The following SENP5 variants were observed in gnomAD, a reference collection of about 807,000 sequenced individuals.
The protein encoded by SENP5 is SUMO specific peptidase 5, also known as sentrin-specific protease 5.
Under a neutral mutation model 74.2 loss-of-function variants are expected in SENP5, and 21 were observed. The ratio of observed to expected loss-of-function variants is 0.28; its 90% confidence interval spans 0.20 to 0.41. SENP5 has a LOEUF of 0.41. SENP5 is among the 10% of genes least tolerant of loss of function. The pLI is 1.00. For synonymous variants in SENP5, 311 were observed against 312.7 expected (o/e 0.99, Z 0.06); for missense variants, 717 against 889.1 (o/e 0.81, Z 2.46).
intron 7 of SENP5, among the ~76,000 whole-genome samples, chr3:196,926,690 G>A (rs989740936): frequency 1.4e-5 from 2 of 146,488 alleles, no homozygotes; most frequent in African/African-American, 5.1e-5. Flanking sequence ...CTGGGTTGGA[G>A]TGCAGTGGCC....
intron 1 of SENP5, among the ~76,000 whole-genome samples, chr3:196,883,432 C>T (rs1006975412): frequency 1.3e-5 from 2 of 152,132 alleles, no homozygotes; most frequent in African/African-American, 2.4e-5. Context: ...GGGGAATTCA[C>T]GGTGTAAACT....
At chr3:196,914,464 A>C (rs575233499) in intron 6 of SENP5, 15 of 150,684 alleles carry the variant, frequency 1.0e-4, no homozygotes, top group Middle Eastern at 6.9e-3. Context: ...GTACAAGTAT[A>C]TGCAAAAAAA....
intron 6 of SENP5, among the ~76,000 whole-genome samples, chr3:196,906,568 A>T (rs1300732102): frequency 4.6e-5 from 7 of 152,236 alleles, no homozygotes; most frequent in South Asian, 2.1e-4. Context: ...AGTAATATTT[A>T]AGCAGAAATA....
At chr3:196,926,542 T>C (rs1490782331) in intron 7 of SENP5, among the ~76,000 whole-genome samples, 1 of 152,080 alleles carries the variant, frequency 6.6e-6, no homozygotes, top group African/African-American at 2.4e-5. Flanking sequence ...AGTTACTTCT[T>C]TAGAGGGAGC....
At chr3:196,900,137 G>T in intron 4 of SENP5, 75 bp downstream of exon 4, 3 of 1,534,974 alleles carry the variant, frequency 2.0e-6, no homozygotes, top group Non-Finnish European at 2.6e-6. Flanking sequence ...CTCTAGTTTG[G>T]CTTCTCAGTT....
chr3:196,871,128 C>G (rs1458518049), intron 1 of SENP5, among the ~76,000 whole-genome samples: 1 of 151,772 alleles, frequency 6.6e-6, no homozygotes, highest in East Asian at 1.9e-4. Context: ...CGAGGTTGCA[C>G]CATTGCATTC....
chr3:196,888,583 C>CAA (rs112395641), intron 2 of SENP5, among the ~76,000 whole-genome samples: 35 of 140,594 alleles, frequency 2.5e-4, no homozygotes, highest in East Asian at 1.3e-3. Flanking sequence ...GACTCTCTCA[C>CAA]AAAAAAAAAA....
Position 196,926,982 on chromosome 3 carries a change from C to T in SENP5, c.2023-814C>T, listed in dbSNP as rs180796754. On this transcript the variant is annotated intron_variant, in intron 7 of 9. Transcript: ENST00000323460. ...GTTGGGGGGTGGGGTGGGTTATTCA[C>T]ATAACCTCTGACTTCACTCTTGATG... is the stretch of plus-strand genomic sequence containing the variant. 2.4e-3 allele frequency among the ~76,000 whole-genome samples: 367 copies of T among 152,244 alleles called. 1 individual carries two copies. Among genetic ancestry groups the T allele is most frequent in the African/African-American group, 8.7e-3 (362 of 41,524 alleles).
chr3:196,903,893 T>A (rs1714799121), intron 6 of SENP5, among the ~76,000 whole-genome samples: 1 of 152,324 alleles, frequency 6.6e-6, no homozygotes, highest in African/African-American at 2.4e-5. Flanking sequence ...CTTTCAACAA[T>A]TTTTTGCTGG....
In SENP5 at chr3:196,931,118, TTTCA is replaced by T. The variant is rs1337703300; in HGVS notation, c.*198_*201del. The T allele has an allele frequency of 3.8e-5, 21 of 552,068 alleles. No individual in the cohort carries two copies. The highest frequency in any genetic ancestry group is 1.9e-4 in the Admixed American group (6 of 30,788). The allele number at this position is 552,068 out of a possible 1,614,324, so 34.2% of individuals were successfully genotyped here. ...TACTATTGTTTAATGTTCAGTTTGGTTTCATTTTTAATTTTATGGTTCTGTGCGT... is the reference window on the plus strand; with the variant it reads ...TACTATTGTTTAATGTTCAGTTTGGTTTTTTAATTTTATGGTTCTGTGCGT... On this transcript the variant is annotated 3_prime_UTR_variant, in exon 10 of 10. Transcript: ENST00000323460.
At chr3:196,903,015 A>G (rs1262622000) in intron 5 of SENP5, among the ~76,000 whole-genome samples, 2 of 152,176 alleles carry the variant, frequency 1.3e-5, no homozygotes, top group African/African-American at 4.8e-5. Context: ...GGATTCAGGT[A>G]GTCTATTTAC....
intron 2 of SENP5, among the ~76,000 whole-genome samples, chr3:196,898,446 A>G (rs1432711870): frequency 1.3e-5 from 2 of 151,768 alleles, no homozygotes; most frequent in Admixed American, 6.6e-5. Context: ...AAAAAAATTA[A>G]AAAATTAGCT....
rs148310267 is a variant in SENP5, at chr3:196,883,305, A to G, written c.-31-1846A>G. 4.0e-3 allele frequency among the ~76,000 whole-genome samples: 604 copies of G among 151,938 alleles called. 2 individuals carry two copies. Among genetic ancestry groups the G allele is most frequent in the Non-Finnish European group, 6.5e-3 (443 of 67,980 alleles). On this transcript the variant is annotated intron_variant, in intron 1 of 9. Transcript: ENST00000323460. The stretch of plus-strand genomic sequence containing the variant: ...TTTTGTTGTGACATCCCCAAATATC[A>G]CTATCTGTTGGTTTTTTCTCCGTGA...
intron 1 of SENP5, among the ~76,000 whole-genome samples, chr3:196,872,995 T>C (rs1349041420): frequency 6.6e-6 from 1 of 152,108 alleles, no homozygotes. Flanking sequence ...CACATCCCTC[T>C]GTAGAACAAT....
At chr3:196,907,388 G>A (rs905736005) in intron 6 of SENP5, among the ~76,000 whole-genome samples, 4 of 151,314 alleles carry the variant, frequency 2.6e-5, no homozygotes, top group Non-Finnish European at 4.4e-5. Flanking sequence ...CCCAGGAGGC[G>A]GAGCTTGCAG....
chr3:196,890,336 G>T (rs11185459), intron 2 of SENP5, among the ~76,000 whole-genome samples: 101,782 of 152,116 alleles, frequency 0.67, 35,018 homozygotes, highest in Non-Finnish European at 0.75. Context: ...AGTTCTGTGG[G>T]GTGCTGAATG....
chr3:196,926,872 C>T (rs1275763808), intron 7 of SENP5, among the ~76,000 whole-genome samples: 2 of 152,170 alleles, frequency 1.3e-5, no homozygotes, highest in African/African-American at 4.8e-5. Context: ...CTCCTGACCT[C>T]ACCTCATGTG....
Position 196,886,484 on chromosome 3 carries a change from C to G in SENP5, c.1303C>G (p.Gln435Glu). 1.2e-6 allele frequency: 2 copies of G among 1,610,926 alleles called. No individual in the cohort carries two copies. Among genetic ancestry groups the G allele is most frequent in the Non-Finnish European group, 1.7e-6 (2 of 1,178,596 alleles). The change falls in exon 2 of 10, where the codon CAA becomes GAA. Residue 435 changes from glutamine to glutamate, a missense_variant. Transcript: ENST00000323460. ...TGGGCCTGTGTCCCAAAAGGCTGTTCAAAATGAGAACTCATACCAGATGGA... is the reference window on the plus strand; with the variant it reads ...TGGGCCTGTGTCCCAAAAGGCTGTTGAAAATGAGAACTCATACCAGATGGA... ...VDGPVSQKAV[Q>E]NENSYQMEED...
chr3:196,915,633 A>G lies in SENP5; in HGVS notation c.1885-7781A>G, dbSNP rs183640536. On this transcript the variant is annotated intron_variant, in intron 6 of 9. Coordinates refer to ENST00000323460, the MANE Select transcript of SENP5 (RefSeq NM_152699.5). Reference sequence around the variant, plus strand: ...ACTATGCTGTGTTCAGTTGTGACCCAGTCCAGTGCCAGCTGTGGTAGCCAT... The same window carrying G: ...ACTATGCTGTGTTCAGTTGTGACCCGGTCCAGTGCCAGCTGTGGTAGCCAT... Among the ~76,000 whole-genome samples the G allele has an allele frequency of 2.6e-5, 4 of 152,316 alleles. No homozygotes were observed. In the East Asian group the frequency reaches 7.7e-4, roughly 29 times the overall value.
Sources: gnomAD v4.1 joint callset for allele counts (sites outside exome capture counted in the v4.1 genomes callset) on GRCh38, gnomAD v4.1.1 for gene constraint, MANE v1.5 for transcripts, NCBI Gene and HGNC (gene_info 2026-07-23, HGNC 2026-07-21) for gene names.